Variants in HS2ST1 observed in about 807,000 individuals in gnomAD.
HS2ST1 encodes the protein heparan sulfate 2-O-sulfotransferase 1.
Under a neutral mutation model 42.9 loss-of-function variants are expected in HS2ST1, and 18 were observed. That is an observed-to-expected ratio of 0.42 (90% CI 0.29 to 0.62). The LOEUF is 0.62. Ranked by LOEUF, HS2ST1 falls within the 20% of genes least tolerant of loss-of-function variation. The pLI is 0.21. For synonymous variants in HS2ST1, 146 were observed against 152.9 expected (o/e 0.95, Z 0.33); for missense variants, 334 against 433.8 (o/e 0.77, Z 2.04).
At chr1:87,015,904 A>G (rs1043766771) in intron 1 of HS2ST1, among the ~76,000 whole-genome samples, 2 of 149,630 alleles carry the variant, frequency 1.3e-5, no homozygotes, top group East Asian at 2.0e-4. Flanking sequence ...GCAACCTCCA[A>G]CTCCTGGGTT....
intron 1 of HS2ST1, among the ~76,000 whole-genome samples, chr1:86,969,307 C>A (rs531066003): frequency 6.6e-6 from 1 of 152,208 alleles, no homozygotes; most frequent in East Asian, 1.9e-4. Context: ...TTTCTATGCC[C>A]TTTTCTTTCT....
chr1:87,047,599 GAAGA>G (rs775378000), intron 1 of HS2ST1, among the ~76,000 whole-genome samples: 1 of 152,114 alleles, frequency 6.6e-6, no homozygotes, highest in Non-Finnish European at 1.5e-5. Context: ...TGTGAAGAAT[GAAGA>G]AAGAATGAAG....
In HS2ST1 at chr1:86,935,455, C is replaced by CTTTTTT. The variant is rs552713297; in HGVS notation, c.124+20315_124+20320dup. Among the ~76,000 whole-genome samples the CTTTTTT allele has an allele frequency of 9.7e-4, 60 of 62,040 alleles. 1 individual carries two copies. Among genetic ancestry groups the CTTTTTT allele is most frequent in the Admixed American group, 1.5e-3 (8 of 5,190 alleles). 40.7% of individuals were successfully genotyped at this position (62,040 alleles called of 152,430 possible). On this transcript the variant is annotated intron_variant, in intron 1 of 6. Coordinates refer to ENST00000370550, the MANE Select transcript of HS2ST1 (RefSeq NM_012262.4). ...GAGGTTTTGTAATTTTCTTTTTCTC[C>CTTTTTT]TTTTTTTTTTTTTTTTTTTTTTTTT...
chr1:87,055,522 G>A (rs777027025), intron 1 of HS2ST1, among the ~76,000 whole-genome samples: 2 of 152,110 alleles, frequency 1.3e-5, no homozygotes, highest in Non-Finnish European at 1.5e-5. Context: ...AACTGTAAGC[G>A]TTATCACTCT....
At chr1:86,980,462 C>T (rs1648546353) in intron 1 of HS2ST1, among the ~76,000 whole-genome samples, 1 of 150,506 alleles carries the variant, frequency 6.6e-6, no homozygotes. Flanking sequence ...TAGGATGATC[C>T]AATTCATTGA....
chr1:86,997,986 A>G (rs951240738), intron 1 of HS2ST1, among the ~76,000 whole-genome samples: 2 of 152,178 alleles, frequency 1.3e-5, no homozygotes, highest in Non-Finnish European at 2.9e-5. Flanking sequence ...GGCCTACTGT[A>G]TTACACCTTT....
At chr1:86,967,392 C>G (rs1240661818) in intron 1 of HS2ST1, among the ~76,000 whole-genome samples, 1 of 152,108 alleles carries the variant, frequency 6.6e-6, no homozygotes, top group Non-Finnish European at 1.5e-5. Context: ...TAGTTTGCCT[C>G]TCACCAAAGT....
chr1:87,035,614 T>A (rs557634232), intron 1 of HS2ST1, among the ~76,000 whole-genome samples: 31 of 152,324 alleles, frequency 2.0e-4, no homozygotes, highest in African/African-American at 7.5e-4. Context: ...CTACTGTGTA[T>A]CCAGCATTGA....
chr1:87,052,559 T>G (rs1247906329), intron 1 of HS2ST1, among the ~76,000 whole-genome samples: 1 of 152,210 alleles, frequency 6.6e-6, no homozygotes, highest in Non-Finnish European at 1.5e-5. Context: ...AACATTTCAC[T>G]TGTGCTTTCC....
At chr1:87,062,251 G>GT (rs1338498103) in intron 1 of HS2ST1, among the ~76,000 whole-genome samples, 9 of 150,212 alleles carry the variant, frequency 6.0e-5, no homozygotes, top group East Asian at 5.9e-4. Context: ...CTTCTGTTCT[G>GT]TTTTTTTCAC....
chr1:86,978,113 G>C (rs1187104056), intron 1 of HS2ST1, among the ~76,000 whole-genome samples: 2 of 152,228 alleles, frequency 1.3e-5, no homozygotes, highest in South Asian at 4.1e-4. Flanking sequence ...ATGCTGTATA[G>C]GTTTGTAGCC....
intron 1 of HS2ST1, among the ~76,000 whole-genome samples, chr1:86,971,197 T>C (rs1469302296): frequency 1.3e-5 from 2 of 152,148 alleles, no homozygotes; most frequent in South Asian, 2.1e-4. Context: ...TTAAATTGGC[T>C]AGACATGGAA....
At chr1:86,967,167 A>T (rs1168436349) in intron 1 of HS2ST1, among the ~76,000 whole-genome samples, 1 of 152,232 alleles carries the variant, frequency 6.6e-6, no homozygotes, top group Non-Finnish European at 1.5e-5. Context: ...CTGGGATTAC[A>T]GGTGGGATTA....
chr1:86,985,700 T>G (rs1373978072), intron 1 of HS2ST1, among the ~76,000 whole-genome samples: 11 of 151,786 alleles, frequency 7.2e-5, no homozygotes, highest in Non-Finnish European at 5.9e-5. Context: ...GGCAGGAGCA[T>G]AAATGGCAAT....
chr1:87,071,101 G>A (rs941011266), intron 1 of HS2ST1, among the ~76,000 whole-genome samples: 6 of 152,082 alleles, frequency 3.9e-5, no homozygotes, highest in African/African-American at 1.2e-4. Flanking sequence ...TAACACATAC[G>A]TATATCTCTC....
chr1:86,968,648 C>T (rs1648135546), intron 1 of HS2ST1, among the ~76,000 whole-genome samples: 1 of 152,094 alleles, frequency 6.6e-6, no homozygotes, highest in African/African-American at 2.4e-5. Flanking sequence ...TCAAGCATTC[C>T]TCCTACCTCC....
intron 1 of HS2ST1, among the ~76,000 whole-genome samples, chr1:87,034,750 A>G (rs1650328675): frequency 6.6e-6 from 1 of 152,214 alleles, no homozygotes; most frequent in Non-Finnish European, 1.5e-5. Context: ...AGTAATCTTT[A>G]TAAAATTAAA....
At position 87,108,597 on chromosome 1, in the gene HS2ST1, C is replaced by T. The variant is rs926222822; in HGVS notation, c.*3901C>T. On this transcript the variant is annotated 3_prime_UTR_variant, in exon 7 of 7. Transcript: ENST00000370550. Reference sequence around the variant, plus strand: ...TTTCAAATCCACTGCCAATTCAGCTCCTCTGGAGTGGAGCTTTCTGATTTC... The same window carrying T: ...TTTCAAATCCACTGCCAATTCAGCTTCTCTGGAGTGGAGCTTTCTGATTTC... The T allele has an allele frequency of 9.9e-5, 15 of 152,218 alleles. No homozygotes were observed. The East Asian group carries it at 1.9e-3, about 20-fold the overall frequency. The allele number at this position is 152,218 out of a possible 1,614,324, so 9.4% of individuals were successfully genotyped here.
Position 86,985,461 on chromosome 1 carries a change from T to C in HS2ST1, c.124+70301T>C, listed in dbSNP as rs1487804034. 6.1e-3 allele frequency among the ~76,000 whole-genome samples: 572 copies of C among 93,274 alleles called. 186 individuals carry two copies. The highest frequency in any genetic ancestry group is 0.015 in the Admixed American group (109 of 7,070). 61.2% of individuals were successfully genotyped at this position (93,274 alleles called of 152,430 possible). On this transcript the variant is annotated intron_variant, in intron 1 of 6. Coordinates refer to ENST00000370550, the MANE Select transcript of HS2ST1 (RefSeq NM_012262.4). Reference sequence around the variant, plus strand: ...ATATATACACATATATACACACATATATACACATATATACACATATATACA... The same window carrying C: ...ATATATACACATATATACACACATACATACACATATATACACATATATACA...
Sources: gnomAD v4.1 joint callset for allele counts (sites outside exome capture counted in the v4.1 genomes callset) on GRCh38, gnomAD v4.1.1 for gene constraint, MANE v1.5 for transcripts, NCBI Gene and HGNC (gene_info 2026-07-23, HGNC 2026-07-21) for gene names.